CD36: variants seen among roughly 807,000 people sequenced by gnomAD.
CD36 encodes the protein platelet glycoprotein 4.
A neutral mutation model predicts 55.2 loss-of-function variants in CD36; 119 were observed. The observed-to-expected ratio is 2.15, with a 90% confidence interval of 1.86 to 2.51. The LOEUF is 2.51. Among genes scored for constraint, CD36 ranks in the 30% most tolerant of loss-of-function variants. CD36 has a pLI of 0.00. For synonymous variants in CD36, 186 were observed against 193.6 expected (o/e 0.96, Z 0.33); for missense variants, 819 against 555.5 (o/e 1.47, Z -4.77).
intron 5 of CD36, among the ~76,000 whole-genome samples, chr7:80,661,659 G>C (rs1400510558): frequency 6.6e-6 from 1 of 152,098 alleles, no homozygotes; most frequent in Non-Finnish European, 1.5e-5. Context: ...AGCTGTACCA[G>C]TGGGCAATAA....
At chr7:80,668,457 G>A (rs1194345556) in intron 8 of CD36, among the ~76,000 whole-genome samples, 1 of 152,138 alleles carries the variant, frequency 6.6e-6, no homozygotes, top group Non-Finnish European at 1.5e-5. Flanking sequence ...TCGTAATTTA[G>A]AAGTGCATCC....
chr7:80,627,627 G>C (rs1562778435), intron 1 of CD36, among the ~76,000 whole-genome samples: 1 of 152,018 alleles, frequency 6.6e-6, no homozygotes, highest in Non-Finnish European at 1.5e-5. Context: ...TTAGGTGGTA[G>C]AGTACAAATA....
intron 1 of CD36, among the ~76,000 whole-genome samples, chr7:80,605,711 T>C (rs902453197): frequency 1.3e-5 from 2 of 152,216 alleles, no homozygotes; most frequent in Non-Finnish European, 2.9e-5. Flanking sequence ...TAAAATTATT[T>C]CTTCTTGAAC....
intron 3 of CD36, chr7:80,647,081 A>T: frequency 2.1e-6 from 1 of 484,222 alleles, no homozygotes; most frequent in Non-Finnish European, 3.7e-6. Flanking sequence ...TCTTAAATAT[A>T]AATACCAAAT....
intron 1 of CD36, among the ~76,000 whole-genome samples, chr7:80,620,155 C>T (rs972453921): frequency 1.3e-5 from 2 of 151,922 alleles, no homozygotes; most frequent in Non-Finnish European, 2.9e-5. Flanking sequence ...AAGCAGAGTT[C>T]GATGACAAGA....
At chr7:80,622,034 T>TAGACACTCAAGCAAA (rs1793498906) in intron 1 of CD36, among the ~76,000 whole-genome samples, 1 of 152,156 alleles carries the variant, frequency 6.6e-6, no homozygotes, top group South Asian at 2.1e-4. Flanking sequence ...CTTTGAGTGG[T>TAGACACTCAAGCAAA]GTCTTTGCTT....
chr7:80,649,658 C>G (rs886490281), intron 3 of CD36, among the ~76,000 whole-genome samples: 2 of 151,936 alleles, frequency 1.3e-5, no homozygotes, highest in African/African-American at 4.8e-5. Flanking sequence ...GTTTTATGAA[C>G]ATCAGTCTGT....
chr7:80,611,672 G>A (rs1051000879), intron 1 of CD36, among the ~76,000 whole-genome samples: 1 of 152,160 alleles, frequency 6.6e-6, no homozygotes, highest in African/African-American at 2.4e-5. Flanking sequence ...TTTGGACTTC[G>A]GTTGGTTGGT....
intron 1 of CD36, among the ~76,000 whole-genome samples, chr7:80,609,931 C>T (rs1584263659): frequency 1.3e-5 from 2 of 152,076 alleles, no homozygotes; most frequent in Admixed American, 6.5e-5. Flanking sequence ...CAGGTGCTTG[C>T]TATGTAGGCA....
intron 1 of CD36, among the ~76,000 whole-genome samples, chr7:80,628,892 T>G (rs62461695): frequency 0.61 from 92,251 of 151,798 alleles, 28,132 homozygotes; most frequent in East Asian, 0.76. Context: ...CATAGGTAGA[T>G]AAGATACAAA....
At position 80,673,368 on chromosome 7, in the gene CD36, CTGAAGAGGAACTATA is replaced by C; in HGVS notation, c.1215_1229del (p.Lys406_Ile410del). 1 of 1,527,672 alleles carries C rather than the reference CTGAAGAGGAACTATA, an allele frequency of 6.5e-7. No homozygotes were observed. The highest frequency in any genetic ancestry group is 1.4e-5 in the African/African-American group (1 of 73,242). The allele number at this position is 1,527,672 out of a possible 1,614,324, so 94.6% of individuals were successfully genotyped here. A position where few individuals can be genotyped will look rare whatever the true frequency, so the allele number is the denominator to read the frequency against. On this transcript the variant is annotated inframe_deletion, in exon 13 of 15. Transcript: ENST00000447544. ...CGTATATTACAGAGTATTAAAGAAT[CTGAAGAGGAACTATA>C]TTGTGCCTATTCTTTGGCTTAATGA...
intron 1 of CD36, among the ~76,000 whole-genome samples, chr7:80,611,253 G>GA (rs955584436): frequency 5.9e-5 from 9 of 152,096 alleles, no homozygotes; most frequent in African/African-American, 2.2e-4. Context: ...CCCCTGTTGT[G>GA]ACCTGGCCAT....
chr7:80,617,199 A>G (rs551167843), intron 1 of CD36, among the ~76,000 whole-genome samples: 53 of 152,236 alleles, frequency 3.5e-4, no homozygotes, highest in African/African-American at 1.2e-3. Flanking sequence ...GTGTCCTCAC[A>G]CACAGGGGAA....
intron 8 of CD36, among the ~76,000 whole-genome samples, chr7:80,668,240 C>A (rs1322590370): frequency 6.6e-6 from 1 of 152,096 alleles, no homozygotes; most frequent in East Asian, 1.9e-4. Flanking sequence ...GGAGAAAAAT[C>A]TTTAAAAAGA....
intron 5 of CD36, chr7:80,662,681 C>T (rs2116688041): frequency 2.7e-6 from 1 of 369,424 alleles, no homozygotes; most frequent in Non-Finnish European, 5.2e-6. Context: ...ACCTATCAAA[C>T]CATCATCTAG....
chr7:80,647,258 CTGTGTG>C (rs3138813), intron 3 of CD36: 53 of 204,962 alleles, frequency 2.6e-4, no homozygotes, highest in Admixed American at 1.3e-3. Context: ...AAAAGTAAAA[CTGTGTG>C]TGTGTGTGTG....
At chr7:80,623,970 G>T (rs2115942372) in intron 1 of CD36, 1 of 152,274 alleles carries the variant, frequency 6.6e-6, no homozygotes, top group Non-Finnish European at 1.5e-5. Flanking sequence ...GATTTACTTT[G>T]GTTTAGGAAT....
At chr7:80,660,967 G>T in intron 4 of CD36, 96 bp from the exon 5 acceptor site, 1 of 917,244 alleles carries the variant, frequency 1.1e-6, no homozygotes, top group Non-Finnish European at 1.8e-6. Context: ...GGCATATTCT[G>T]TGTGTTCAAA....
intron 3 of CD36, among the ~76,000 whole-genome samples, chr7:80,653,110 A>G (rs1455948789): frequency 6.6e-6 from 1 of 152,164 alleles, no homozygotes; most frequent in East Asian, 1.9e-4. Context: ...CATAGCATCT[A>G]ATTTCATTGT....
Sources: allele counts gnomAD v4.1 joint callset (sites outside exome capture counted in the v4.1 genomes callset), GRCh38; gene constraint gnomAD v4.1.1; transcripts MANE v1.5; gene names NCBI Gene and HGNC (gene_info 2026-07-23, HGNC 2026-07-21).